Variants in SHISAL2B observed in about 807,000 individuals in gnomAD.
SHISAL2B encodes the protein shisa like 2B.
Under a neutral mutation model 16.5 loss-of-function variants are expected in SHISAL2B, and 12 were observed. The observed-to-expected ratio is 0.73, with a 90% CI of 0.47 to 1.18. SHISAL2B has a LOEUF of 1.18. Ranked by LOEUF, SHISAL2B falls within the 50% of genes most tolerant of loss-of-function variation. The pLI, the probability that SHISAL2B is intolerant of heterozygous loss-of-function variation, is 0.00. For missense variants in SHISAL2B, 183 were observed against 193.6 expected (o/e 0.95, Z 0.33); for synonymous variants, 72 against 75.0 (o/e 0.96, Z 0.21).
intron 2 of SHISAL2B, among the ~76,000 whole-genome samples, chr5:64,715,225 T>C (rs977460447): frequency 1.3e-5 from 2 of 151,738 alleles, no homozygotes; most frequent in African/African-American, 4.8e-5. Flanking sequence ...AGTTTAGTTA[T>C]AGAAAGCAAT....
At chr5:64,702,080 A>G (rs940947377) in intron 2 of SHISAL2B, among the ~76,000 whole-genome samples, 4 of 152,218 alleles carry the variant, frequency 2.6e-5, no homozygotes, top group African/African-American at 9.6e-5. Context: ...CCCCTCACCA[A>G]AAGATATAAA....
At chr5:64,697,361 C>A (rs1383497027) in intron 2 of SHISAL2B, among the ~76,000 whole-genome samples, 1 of 152,150 alleles carries the variant, frequency 6.6e-6, no homozygotes, top group Non-Finnish European at 1.5e-5. Context: ...GATGTATTGA[C>A]CAGATTGCAA....
chr5:64,701,731 A>G (rs911969638), intron 2 of SHISAL2B, among the ~76,000 whole-genome samples: 5 of 152,268 alleles, frequency 3.3e-5, no homozygotes, highest in African/African-American at 1.2e-4. Flanking sequence ...TAAGTAAATT[A>G]GCAGTAAGGC....
intron 2 of SHISAL2B, among the ~76,000 whole-genome samples, chr5:64,714,822 C>T (rs1346900970): frequency 6.6e-6 from 1 of 152,166 alleles, no homozygotes; most frequent in Non-Finnish European, 1.5e-5. Context: ...GTCCGTCACC[C>T]CTTTCTTTGA....
At chr5:64,696,653 G>A (rs567534113) in intron 2 of SHISAL2B, among the ~76,000 whole-genome samples, 75 of 152,156 alleles carry the variant, frequency 4.9e-4, no homozygotes, top group African/African-American at 1.8e-3. Context: ...ACTGAAATAC[G>A]CCCTGGTCTC....
chr5:64,695,660 A>G lies in SHISAL2B; in HGVS notation c.345A>G (p.Gln115=), dbSNP rs765914175. The change falls in exon 2 of 3, where the codon CAA becomes CAG. Residue 115 remains glutamine, a synonymous_variant. Coordinates refer to ENST00000389074, the MANE Select transcript of SHISAL2B (RefSeq NM_001164442.2). ...KLQHLEASST[Q]EGKSNGKTKA... ...AACACTTAGAGGCTTCTTCCACTCA[A>G]GAAGGTAATCAGTATCTATTATTTG... The G allele has an allele frequency of 2.3e-5, 35 of 1,526,408 alleles. No homozygotes were observed. Among genetic ancestry groups the G allele is most frequent in the Non-Finnish European group, 3.0e-5 (34 of 1,142,256 alleles). 94.6% of individuals were successfully genotyped at this position (1,526,408 alleles called of 1,614,324 possible).
At chr5:64,698,643 C>A (rs1352684856) in intron 2 of SHISAL2B, among the ~76,000 whole-genome samples, 1 of 152,170 alleles carries the variant, frequency 6.6e-6, no homozygotes, top group African/African-American at 2.4e-5. Context: ...ATACCCTCTT[C>A]CTGCTTTGAA....
At chr5:64,705,319 T>G (rs187480281) in intron 2 of SHISAL2B, among the ~76,000 whole-genome samples, 98 of 152,274 alleles carry the variant, frequency 6.4e-4, no homozygotes, top group Admixed American at 1.6e-3. Flanking sequence ...AACCCCGGAA[T>G]GACTAAGTTA....
intron 1 of SHISAL2B, among the ~76,000 whole-genome samples, chr5:64,693,068 C>T (rs928156826): frequency 4.0e-5 from 6 of 151,616 alleles, no homozygotes; most frequent in Middle Eastern, 3.4e-3. Context: ...AGTGCAGTGG[C>T]GCAATCTCGG....
At chr5:64,698,248 T>C (rs1392022283) in intron 2 of SHISAL2B, among the ~76,000 whole-genome samples, 1 of 152,244 alleles carries the variant, frequency 6.6e-6, no homozygotes, top group Non-Finnish European at 1.5e-5. Flanking sequence ...CTTCTGTCCT[T>C]GTTCCCCTGC....
intron 2 of SHISAL2B, among the ~76,000 whole-genome samples, chr5:64,714,296 G>A (rs910235324): frequency 1.4e-5 from 2 of 141,956 alleles, no homozygotes; most frequent in Non-Finnish European, 3.0e-5. Context: ...GGAATACCCT[G>A]CAGTGTGAGG....
intron 1 of SHISAL2B, among the ~76,000 whole-genome samples, chr5:64,691,084 C>T (rs768458808): frequency 2.0e-5 from 3 of 152,202 alleles, no homozygotes; most frequent in Admixed American, 6.5e-5. Flanking sequence ...ACTTGGGGCC[C>T]GCCTGGCTGG....
intron 1 of SHISAL2B, among the ~76,000 whole-genome samples, chr5:64,693,641 T>C (rs968228319): frequency 5.9e-5 from 9 of 152,330 alleles, no homozygotes; most frequent in Non-Finnish European, 8.8e-5. Flanking sequence ...TACATTCCCA[T>C]GTGTCTGTGT....
chr5:64,700,442 G>A (rs567493106), intron 2 of SHISAL2B, among the ~76,000 whole-genome samples: 16 of 152,136 alleles, frequency 1.1e-4, no homozygotes, highest in South Asian at 2.1e-4. Context: ...ACAGAGTCTC[G>A]CTCTGTTGCC....
At chr5:64,715,064 C>G (rs1206678998) in intron 2 of SHISAL2B, among the ~76,000 whole-genome samples, 1 of 152,148 alleles carries the variant, frequency 6.6e-6, no homozygotes, top group African/African-American at 2.4e-5. Context: ...TTGGCTCCCC[C>G]CACCGACATC....
intron 2 of SHISAL2B, among the ~76,000 whole-genome samples, chr5:64,713,892 A>G (rs1332577230): frequency 2.1e-5 from 2 of 93,800 alleles, no homozygotes; most frequent in African/African-American, 6.6e-5. Flanking sequence ...CAGCTCCATC[A>G]GCTCCTTTAA....
intron 2 of SHISAL2B, among the ~76,000 whole-genome samples, chr5:64,712,562 G>A (rs1402830061): frequency 2.7e-5 from 4 of 150,808 alleles, no homozygotes; most frequent in African/African-American, 9.7e-5. Flanking sequence ...GGTCCACTTG[G>A]TGCAGAGCTG....
chr5:64,707,411 C>T (rs1332773550), intron 2 of SHISAL2B, among the ~76,000 whole-genome samples: 1 of 152,140 alleles, frequency 6.6e-6, no homozygotes, highest in African/African-American at 2.4e-5. Flanking sequence ...TAGGAGCCCT[C>T]TACGGGGACC....
At chr5:64,709,624 C>T (rs1054984914) in intron 2 of SHISAL2B, among the ~76,000 whole-genome samples, 1 of 150,876 alleles carries the variant, frequency 6.6e-6, no homozygotes, top group Non-Finnish European at 1.5e-5. Context: ...GTGACTTCCA[C>T]AATGGTTGAA....
Sources: gnomAD v4.1 joint callset for allele counts (sites outside exome capture counted in the v4.1 genomes callset) on GRCh38, gnomAD v4.1.1 for gene constraint, MANE v1.5 for transcripts, NCBI Gene and HGNC (gene_info 2026-07-23, HGNC 2026-07-21) for gene names.